PTPRN2: variants seen among roughly 807,000 people sequenced by gnomAD.
PTPRN2 encodes the protein protein tyrosine phosphatase receptor type N2.
A neutral mutation model predicts 118.8 loss-of-function variants in PTPRN2; 74 were observed. That is an observed-to-expected ratio of 0.62 (90% CI 0.52 to 0.76). The LOEUF is 0.76. Ranked by LOEUF, PTPRN2 falls within the 30% of genes least tolerant of loss-of-function variation. PTPRN2 has a pLI of 0.00. For synonymous variants in PTPRN2, 641 were observed against 608.0 expected, an observed-to-expected ratio of 1.05 and a Z score of -0.80; for missense variants, 1,481 against 1,394.4, an observed-to-expected ratio of 1.06 and a Z score of -0.99.
chr7:157,930,443 C>T (rs1799287861), intron 11 of PTPRN2, among the ~76,000 whole-genome samples: 1 of 152,170 alleles, frequency 6.6e-6, no homozygotes, highest in African/African-American at 2.4e-5. Context: ...CAATCATTTC[C>T]CAGGATGCTG....
chr7:158,137,658 C>T (rs1020104370), intron 7 of PTPRN2, among the ~76,000 whole-genome samples: 6 of 152,154 alleles, frequency 3.9e-5, no homozygotes, highest in Admixed American at 2.6e-4. Flanking sequence ...CCAAGTCAGG[C>T]TTCCAGCTTC....
chr7:158,193,557 G>A (rs1312135611), intron 4 of PTPRN2, among the ~76,000 whole-genome samples: 1 of 152,106 alleles, frequency 6.6e-6, no homozygotes, highest in Non-Finnish European at 1.5e-5. Flanking sequence ...CCCTGAGCCT[G>A]CGCCCTGTCC....
chr7:158,254,782 C>T (rs1796917668), intron 3 of PTPRN2, among the ~76,000 whole-genome samples: 1 of 152,256 alleles, frequency 6.6e-6, no homozygotes, highest in Non-Finnish European at 1.5e-5. Flanking sequence ...AGTTTCACCT[C>T]CCTACAGGAC....
chr7:157,726,985 G>A (rs546490215), intron 12 of PTPRN2, among the ~76,000 whole-genome samples: 8 of 152,050 alleles, frequency 5.3e-5, no homozygotes, highest in South Asian at 2.1e-4. Context: ...GACTCTTACC[G>A]AAAAAAACAG....
At chr7:158,322,283 C>G (rs770174160) in intron 2 of PTPRN2, among the ~76,000 whole-genome samples, 2 of 152,214 alleles carry the variant, frequency 1.3e-5, no homozygotes, top group African/African-American at 2.4e-5. Flanking sequence ...CCAGAGCTTC[C>G]AGGATCCTGG....
chr7:158,191,613 A>G (rs778587051), intron 5 of PTPRN2, among the ~76,000 whole-genome samples: 8 of 152,048 alleles, frequency 5.3e-5, no homozygotes, highest in Non-Finnish European at 8.8e-5. Context: ...CCATTTACAA[A>G]ATTTACTGAG....
At chr7:158,296,729 C>A (rs933052171) in intron 3 of PTPRN2, among the ~76,000 whole-genome samples, 1 of 152,236 alleles carries the variant, frequency 6.6e-6, no homozygotes, top group Non-Finnish European at 1.5e-5. Flanking sequence ...CTCCATCGCA[C>A]GCCCTGTGAG....
intron 12 of PTPRN2, among the ~76,000 whole-genome samples, chr7:157,773,222 G>A (rs1340515973): frequency 6.6e-6 from 1 of 152,174 alleles, no homozygotes; most frequent in Non-Finnish European, 1.5e-5. Context: ...CTCTCTTCAG[G>A]ACAAGCCTCC....
intron 12 of PTPRN2, among the ~76,000 whole-genome samples, chr7:157,719,669 A>T (rs1799126363): frequency 6.6e-6 from 1 of 152,198 alleles, no homozygotes; most frequent in Non-Finnish European, 1.5e-5. Flanking sequence ...CCCCTCCAAG[A>T]GGAGCTCTGT....
chr7:158,571,679 A>T (rs907412016), intron 1 of PTPRN2, among the ~76,000 whole-genome samples: 1 of 151,924 alleles, frequency 6.6e-6, no homozygotes. Flanking sequence ...TTGGGGTTTT[A>T]TATGTTGGCA....
intron 2 of PTPRN2, among the ~76,000 whole-genome samples, chr7:158,462,313 T>C (rs1819064070): frequency 1.3e-5 from 2 of 152,178 alleles, no homozygotes; most frequent in African/African-American, 4.8e-5. Context: ...AGCAGGCCCA[T>C]AAAGACCCTC....
intron 11 of PTPRN2, among the ~76,000 whole-genome samples, chr7:157,984,506 C>T (rs935397884): frequency 1.3e-5 from 2 of 150,288 alleles, no homozygotes; most frequent in Non-Finnish European, 1.5e-5. Context: ...GCCAGCGGCA[C>T]CGGTTCTGGC....
At chr7:157,689,593 G>A (rs2150829061) in intron 12 of PTPRN2, among the ~76,000 whole-genome samples, 1 of 152,348 alleles carries the variant, frequency 6.6e-6, no homozygotes, top group South Asian at 2.1e-4. Context: ...CTGGAGCAAC[G>A]CTTCTCTAAA....
At chr7:157,669,425 G>GCA (rs5888726) in intron 13 of PTPRN2, 186,078 of 420,918 alleles carry the variant, frequency 0.44, 34,298 homozygotes, top group Non-Finnish European at 0.48. Flanking sequence ...GTTTGCACGC[G>GCA]CACACACACA....
At chr7:158,228,032 T>C (rs140914178) in intron 3 of PTPRN2, among the ~76,000 whole-genome samples, 1 of 152,208 alleles carries the variant, frequency 6.6e-6, no homozygotes, top group African/African-American at 2.4e-5. Flanking sequence ...ATGGAACCTA[T>C]ACATTCAAGA....
chr7:158,031,032 A>G (rs1585234808), intron 11 of PTPRN2: 1 of 152,228 alleles, frequency 6.6e-6, no homozygotes, highest in African/African-American at 2.4e-5. Flanking sequence ...AATATCCTCG[A>G]GTGATAAATC....
chr7:157,621,541 C>CTAT lies in PTPRN2; in HGVS notation c.2197-33_2197-32insATA, dbSNP rs899354463. 3.7e-6 allele frequency: 6 copies of CTAT among 1,607,374 alleles called. No homozygotes were observed. In the African/African-American group the frequency reaches 8.0e-5, roughly 21 times the overall value. Reference sequence around the variant, plus strand: ...GGGAAACACAGGGTCAGGAGCGCACCTAGGTGGTGAGCCCAGACCGGCAGA... The same window carrying CTAT: ...GGGAAACACAGGGTCAGGAGCGCACCTATTAGGTGGTGAGCCCAGACCGGCAGA... On this transcript the variant is annotated intron_variant, in intron 14 of 22. Coordinates refer to ENST00000389418, the MANE Select transcript of PTPRN2 (RefSeq NM_002847.5).
In PTPRN2 at chr7:158,331,371, C is replaced by T. The variant is rs781770538; in HGVS notation, c.164-14439G>A. 4.4e-3 allele frequency among the ~76,000 whole-genome samples: 442 copies of T among 101,250 alleles called. 4 individuals carry two copies. The highest frequency in any genetic ancestry group is 8.6e-3 in the Middle Eastern group (1 of 116). The allele number at this position is 101,250 out of a possible 152,430, so 66.4% of individuals were successfully genotyped here. Reference sequence around the variant, plus strand: ...TACTCTCACCATAAGAGCTGACACCCGCAGAAGTCACTCACACCCACACTC... The same window carrying T: ...TACTCTCACCATAAGAGCTGACACCTGCAGAAGTCACTCACACCCACACTC... On this transcript the variant is annotated intron_variant, in intron 2 of 22. Transcript: ENST00000389418.
intron 9 of PTPRN2, among the ~76,000 whole-genome samples, chr7:158,124,281 A>C (rs917438208): frequency 6.6e-5 from 10 of 152,204 alleles, no homozygotes; most frequent in Admixed American, 6.5e-5. Context: ...CTGCACCTAC[A>C]GTCTCCTGGA....
Sources: gnomAD v4.1 joint callset for allele counts (sites outside exome capture counted in the v4.1 genomes callset) on GRCh38, gnomAD v4.1.1 for gene constraint, MANE v1.5 for transcripts, NCBI Gene and HGNC (gene_info 2026-07-23, HGNC 2026-07-21) for gene names.